The following CABLES1 variants were observed in gnomAD, a reference collection of about 807,000 sequenced individuals.
CABLES1 encodes the protein Cdk5 and Abl enzyme substrate 1.
In CABLES1, 36 loss-of-function variants were observed where a neutral mutation model predicts 57.8. That is an observed-to-expected ratio of 0.62 (90% CI 0.48 to 0.82). CABLES1 has a LOEUF of 0.82. Among genes scored for constraint, CABLES1 ranks in the 40% least tolerant of loss-of-function variants. The pLI is 0.00. For synonymous variants in CABLES1, 374 were observed against 363.0 expected (o/e 1.03, Z -0.35); for missense variants, 767 against 836.6 (o/e 0.92, Z 1.03).
chr18:23,224,283 T>C (rs1192563470), intron 4 of CABLES1, among the ~76,000 whole-genome samples: 1 of 151,852 alleles, frequency 6.6e-6, no homozygotes, highest in African/African-American at 2.4e-5. Context: ...GTGCCTCCAT[T>C]AGGAAAACCA....
intron 7 of CABLES1, among the ~76,000 whole-genome samples, chr18:23,251,102 T>A (rs2048025521): frequency 6.6e-6 from 1 of 152,226 alleles, no homozygotes; most frequent in Non-Finnish European, 1.5e-5. Context: ...ATCCAGGGAA[T>A]CGACCTTCAC....
intron 4 of CABLES1, among the ~76,000 whole-genome samples, chr18:23,229,733 G>A (rs751428858): frequency 2.6e-5 from 4 of 152,094 alleles, no homozygotes; most frequent in African/African-American, 9.7e-5. Context: ...CTTTTGGAGC[G>A]AATCTCCACC....
At chr18:23,186,778 G>T (rs1293192955) in intron 1 of CABLES1, among the ~76,000 whole-genome samples, 1 of 152,162 alleles carries the variant, frequency 6.6e-6, no homozygotes, top group Non-Finnish European at 1.5e-5. Context: ...TGCAATTTCA[G>T]TGTCTGATTC....
In CABLES1 at chr18:23,257,686, A is replaced by G. The variant is rs2048200496; in HGVS notation, c.*319A>G. ...CTCCCCGGCATTCACAAACTTTGCA[A>G]GCGTGGTCCAGGGCCTTCTCCAGAT... On this transcript the variant is annotated 3_prime_UTR_variant, in exon 10 of 10. Transcript: ENST00000256925. 3.9e-6 allele frequency: 1 copy of G among 253,418 alleles called. No homozygotes were observed. Among genetic ancestry groups the G allele is most frequent in the Admixed American group, 5.4e-5 (1 of 18,446 alleles). The allele number at this position is 253,418 out of a possible 1,614,324, so 15.7% of individuals were successfully genotyped here. A position where few individuals can be genotyped will look rare whatever the true frequency, so the allele number is the denominator to read the frequency against.
chr18:23,229,553 T>C (rs1239674944), intron 4 of CABLES1, among the ~76,000 whole-genome samples: 1 of 152,262 alleles, frequency 6.6e-6, no homozygotes, highest in Non-Finnish European at 1.5e-5. Flanking sequence ...CTAGCTCTAT[T>C]TCCTGGTGCT....
chr18:23,210,040 G>A (rs1318960446), intron 3 of CABLES1, among the ~76,000 whole-genome samples: 1 of 152,218 alleles, frequency 6.6e-6, no homozygotes, highest in African/African-American at 2.4e-5. Context: ...AAGAAAGCTG[G>A]ACGGTGCTCC....
upstream of CABLES1, among the ~76,000 whole-genome samples, chr18:23,135,224 C>T (rs1288987304): frequency 6.6e-6 from 1 of 152,132 alleles, no homozygotes; most frequent in African/African-American, 2.4e-5. Flanking sequence ...GAGTCGCCAA[C>T]TCTCCCAGCA....
At chr18:23,193,979 TGTCCAG>T (rs2047263937) in intron 2 of CABLES1, among the ~76,000 whole-genome samples, 1 of 152,232 alleles carries the variant, frequency 6.6e-6, no homozygotes, top group Non-Finnish European at 1.5e-5. Flanking sequence ...TTAAGACAGC[TGTCCAG>T]GTAATTCAGG....
intron 7 of CABLES1, 56 bp downstream of exon 7, chr18:23,237,301 G>T: frequency 1.6e-6 from 2 of 1,212,650 alleles, no homozygotes; most frequent in Non-Finnish European, 2.5e-6. Context: ...CCCCACCTGG[G>T]TTGGTGGCCG....
chr18:23,168,068 T>TC (rs1361098327), intron 1 of CABLES1, among the ~76,000 whole-genome samples: 19 of 152,100 alleles, frequency 1.2e-4, no homozygotes, highest in African/African-American at 4.6e-4. Flanking sequence ...CTCAGGGCGA[T>TC]CTGAGGGCAA....
intron 7 of CABLES1, among the ~76,000 whole-genome samples, chr18:23,238,775 T>TGGGGGATCC: frequency 6.6e-6 from 1 of 152,322 alleles, no homozygotes; most frequent in African/African-American, 2.4e-5. Flanking sequence ...TCCTAGTTGA[T>TGGGGGATCC]AGACAGGAAA....
chr18:23,187,689 A>G (rs540307991), intron 1 of CABLES1, among the ~76,000 whole-genome samples: 163 of 152,134 alleles, frequency 1.1e-3, no homozygotes, highest in African/African-American at 3.8e-3. Context: ...GCCTGGCCAC[A>G]AGTATTTTTT....
At chr18:23,215,725 C>G (rs1210864969) in intron 4 of CABLES1, among the ~76,000 whole-genome samples, 1 of 152,126 alleles carries the variant, frequency 6.6e-6, no homozygotes, top group Non-Finnish European at 1.5e-5. Flanking sequence ...TAAAATTACA[C>G]ACACAATTAA....
intron 2 of CABLES1, among the ~76,000 whole-genome samples, chr18:23,193,194 C>CTT (rs763239686): frequency 2.8e-5 from 4 of 142,294 alleles, no homozygotes; most frequent in Non-Finnish European, 4.6e-5. Flanking sequence ...AAGAATCTTT[C>CTT]TTTTTTTTTT....
chr18:23,167,889 A>G (rs1287367983), intron 1 of CABLES1, among the ~76,000 whole-genome samples: 1 of 152,256 alleles, frequency 6.6e-6, no homozygotes, highest in African/African-American at 2.4e-5. Flanking sequence ...GAGACAGGGC[A>G]TGCAGGCGCT....
chr18:23,162,782 T>C (rs969916504), intron 1 of CABLES1, among the ~76,000 whole-genome samples: 1 of 152,020 alleles, frequency 6.6e-6, no homozygotes, highest in Admixed American at 6.6e-5. Flanking sequence ...TCCAAGGCCA[T>C]GTGGTGTAAG....
chr18:23,229,364 A>G (rs572125706), intron 4 of CABLES1, among the ~76,000 whole-genome samples: 3 of 152,354 alleles, frequency 2.0e-5, no homozygotes, highest in South Asian at 4.1e-4. Flanking sequence ...GTGAGCCGAG[A>G]TCGCACCACT....
chr18:23,254,943 GA>G (rs774628515), intron 9 of CABLES1, among the ~76,000 whole-genome samples: 15 of 152,338 alleles, frequency 9.8e-5, no homozygotes, highest in Non-Finnish European at 1.6e-4. Flanking sequence ...GGAAGCCCTG[GA>G]ATTGGTCGGG....
intron 1 of CABLES1, among the ~76,000 whole-genome samples, chr18:23,165,365 T>C (rs974754772): frequency 6.6e-6 from 1 of 152,218 alleles, no homozygotes; most frequent in Non-Finnish European, 1.5e-5. Context: ...CTGAAAGCAC[T>C]GAGATTACAA....
Sources: allele counts gnomAD v4.1 joint callset (sites outside exome capture counted in the v4.1 genomes callset), GRCh38; gene constraint gnomAD v4.1.1; transcripts MANE v1.5; gene names NCBI Gene and HGNC (gene_info 2026-07-23, HGNC 2026-07-21).